Variants in TSPAN9 observed in about 807,000 individuals in gnomAD.
The protein encoded by TSPAN9 is tetraspanin 9, also known as tetraspanin-9.
A neutral mutation model predicts 31.0 loss-of-function variants in TSPAN9; 16 were observed. The observed-to-expected ratio is 0.52, with a 90% CI of 0.35 to 0.78. The LOEUF (loss-of-function observed/expected upper bound fraction) is 0.78, where lower values mean the gene tolerates loss of function less well. TSPAN9 is among the 30% of genes least tolerant of loss of function. TSPAN9 has a pLI of 0.01. For missense variants in TSPAN9, 272 were observed against 312.5 expected, an observed-to-expected ratio of 0.87 and a Z score of 0.98; for synonymous variants, 145 against 121.6, an observed-to-expected ratio of 1.19 and a Z score of -1.27.
intron 3 of TSPAN9, among the ~76,000 whole-genome samples, chr12:3,208,031 T>A (rs2098376260): frequency 6.6e-6 from 1 of 152,238 alleles, no homozygotes. Flanking sequence ...TGCTGAGGCC[T>A]GCAGGAGGTG....
At chr12:3,279,168 C>A in intron 5 of TSPAN9, 102 bp downstream of exon 5, 1 of 1,017,994 alleles carries the variant, frequency 9.8e-7, no homozygotes, top group Non-Finnish European at 1.5e-6. Flanking sequence ...AGAGTGCTGG[C>A]AAGCAGCACC....
At chr12:3,119,521 G>T (rs1306390351) in intron 2 of TSPAN9, among the ~76,000 whole-genome samples, 1 of 152,142 alleles carries the variant, frequency 6.6e-6, no homozygotes, top group African/African-American at 2.4e-5. Context: ...TGTGATGTTT[G>T]TGTGTGCTTT....
intron 2 of TSPAN9, among the ~76,000 whole-genome samples, chr12:3,092,842 A>T (rs2153963407): frequency 6.6e-6 from 1 of 152,288 alleles, no homozygotes; most frequent in African/African-American, 2.4e-5. Flanking sequence ...CTTTGGAACC[A>T]GTGTGTGGCT....
At chr12:3,253,700 C>A (rs1862295907) in intron 3 of TSPAN9, among the ~76,000 whole-genome samples, 1 of 152,222 alleles carries the variant, frequency 6.6e-6, no homozygotes, top group African/African-American at 2.4e-5. Context: ...GAATTGGGAT[C>A]TGGCGACTGC....
At chr12:3,105,885 C>T (rs1452849777) in intron 2 of TSPAN9, among the ~76,000 whole-genome samples, 1 of 151,556 alleles carries the variant, frequency 6.6e-6, no homozygotes, top group Non-Finnish European at 1.5e-5. Context: ...CACACATGCA[C>T]ACATGGTCAC....
intron 2 of TSPAN9, among the ~76,000 whole-genome samples, chr12:3,189,208 C>T (rs994860097): frequency 6.6e-6 from 1 of 152,052 alleles, no homozygotes; most frequent in African/African-American, 2.4e-5. Context: ...CAAGGCTGAG[C>T]AGGATGGGGG....
intron 5 of TSPAN9, among the ~76,000 whole-genome samples, chr12:3,279,667 C>G (rs1012918415): frequency 2.6e-5 from 4 of 152,196 alleles, no homozygotes; most frequent in African/African-American, 4.8e-5. Flanking sequence ...GTGGCAGGCC[C>G]TTTGGTACCA....
At chr12:3,222,193 C>A (rs1422058168) in intron 3 of TSPAN9, among the ~76,000 whole-genome samples, 1 of 152,144 alleles carries the variant, frequency 6.6e-6, no homozygotes, top group African/African-American at 2.4e-5. Flanking sequence ...GTCCTGCTGG[C>A]ATGCAGAAGG....
chr12:3,262,143 G>A (rs779682265), intron 3 of TSPAN9, among the ~76,000 whole-genome samples: 10 of 152,202 alleles, frequency 6.6e-5, no homozygotes, highest in Non-Finnish European at 8.8e-5. Flanking sequence ...ATGCAAAGCC[G>A]CCACGTGGAT....
intron 3 of TSPAN9, among the ~76,000 whole-genome samples, chr12:3,245,593 T>C (rs1862107972): frequency 6.6e-6 from 1 of 152,142 alleles, no homozygotes; most frequent in Admixed American, 6.5e-5. Flanking sequence ...GCCTGCCCCG[T>C]GTCCTCTCTG....
intron 3 of TSPAN9, among the ~76,000 whole-genome samples, chr12:3,274,024 T>G (rs978075117): frequency 8.5e-5 from 13 of 152,078 alleles, no homozygotes; most frequent in Admixed American, 8.5e-4. Flanking sequence ...GGTGGGTGCC[T>G]GGCGTGGGGG....
chr12:3,276,819 C>G (rs1264145654), intron 3 of TSPAN9, among the ~76,000 whole-genome samples: 2 of 152,124 alleles, frequency 1.3e-5, no homozygotes, highest in African/African-American at 4.8e-5. Flanking sequence ...ACTGAATACG[C>G]AGGTGTTCAC....
intron 3 of TSPAN9, among the ~76,000 whole-genome samples, chr12:3,240,599 G>A (rs2098396091): frequency 6.6e-6 from 1 of 152,148 alleles, no homozygotes; most frequent in Non-Finnish European, 1.5e-5. Flanking sequence ...CTTGTCTGTC[G>A]CTATACTACC....
rs1303962081 is a variant in TSPAN9, at chr12:3,268,180, G to A, written c.64-10241G>A. 8.4e-5 allele frequency among the ~76,000 whole-genome samples: 11 copies of A among 130,380 alleles called. 1 individual carries two copies. The highest frequency in any genetic ancestry group is 3.7e-4 in the Admixed American group (5 of 13,404). 85.5% of individuals were successfully genotyped at this position (130,380 alleles called of 152,430 possible). Reference sequence around the variant, plus strand: ...CGTGCATTCCTGCAGCCTACCCTCCGTGCGTTCCTGCAGCCTGCCCTCTGT... The same window carrying A: ...CGTGCATTCCTGCAGCCTACCCTCCATGCGTTCCTGCAGCCTGCCCTCTGT... On this transcript the variant is annotated intron_variant, in intron 3 of 8. Transcript: ENST00000011898.
intron 2 of TSPAN9, among the ~76,000 whole-genome samples, chr12:3,096,433 C>CTTTTTTTTTTTTTTTTTTTTTT (rs1302577208): frequency 2.6e-5 from 4 of 152,232 alleles, no homozygotes; most frequent in South Asian, 4.2e-4. Flanking sequence ...TGCATTGTCT[C>CTTTTTTTTTTTTTTTTTTTTTT]TTTATTCCTT....
At chr12:3,229,745 A>T (rs953670406) in intron 3 of TSPAN9, among the ~76,000 whole-genome samples, 1 of 152,130 alleles carries the variant, frequency 6.6e-6, no homozygotes, top group African/African-American at 2.4e-5. Flanking sequence ...GGTTCATCGC[A>T]CCTGCCAGGC....
intron 2 of TSPAN9, among the ~76,000 whole-genome samples, chr12:3,100,384 C>T (rs941103898): frequency 1.3e-5 from 2 of 152,208 alleles, no homozygotes; most frequent in Non-Finnish European, 2.9e-5. Flanking sequence ...ACTCTAATTC[C>T]TGTCTCCTCA....
chr12:3,095,640 C>CG (rs1555140340), intron 2 of TSPAN9, among the ~76,000 whole-genome samples: 1 of 142,322 alleles, frequency 7.0e-6, no homozygotes, highest in Non-Finnish European at 1.6e-5. Context: ...TGACCCCCCC[C>CG]ACCTCCCTCC....
chr12:3,180,057 CA>C (rs1223870429), intron 2 of TSPAN9, among the ~76,000 whole-genome samples: 2 of 152,140 alleles, frequency 1.3e-5, no homozygotes, highest in Admixed American at 6.5e-5. Flanking sequence ...ACCCATGTTC[CA>C]AGACTTGTGG....
Sources: allele counts gnomAD v4.1 joint callset (sites outside exome capture counted in the v4.1 genomes callset), GRCh38; gene constraint gnomAD v4.1.1; transcripts MANE v1.5; gene names NCBI Gene and HGNC (gene_info 2026-07-23, HGNC 2026-07-21).